CSMD1: variants seen among roughly 807,000 people sequenced by gnomAD.
The protein encoded by CSMD1 is CUB and Sushi multiple domains 1, also known as CUB and sushi domain-containing protein 1.
In CSMD1, 213 loss-of-function variants were observed where a neutral mutation model predicts 417.5. The observed-to-expected ratio is 0.51, with a 90% confidence interval of 0.46 to 0.57. The LOEUF (loss-of-function observed/expected upper bound fraction) is 0.57, where lower values mean the gene tolerates loss of function less well. CSMD1 is among the 20% of genes least tolerant of loss of function. The pLI, the probability that CSMD1 is intolerant of heterozygous loss-of-function variation, is 0.00. For synonymous variants in CSMD1, 2,862 were observed against 1,736.8 expected (o/e 1.65, Z -16.11); for missense variants, 6,923 against 4,529.7 (o/e 1.53, Z -15.17).
chr8:3,265,252 C>CA (rs1170035617), intron 26 of CSMD1, among the ~76,000 whole-genome samples: 1 of 152,138 alleles, frequency 6.6e-6, no homozygotes, highest in African/African-American at 2.4e-5. Flanking sequence ...CAAGGGAAGA[C>CA]AAAATGCTAC....
intron 3 of CSMD1, among the ~76,000 whole-genome samples, chr8:4,214,882 G>C (rs1018581191): frequency 6.6e-6 from 1 of 151,962 alleles, no homozygotes; most frequent in Non-Finnish European, 1.5e-5. Flanking sequence ...TTAAAAAAAT[G>C]TATATTCTTT....
chr8:2,954,576 G>A (rs1802869149), intron 64 of CSMD1, among the ~76,000 whole-genome samples: 1 of 151,994 alleles, frequency 6.6e-6, no homozygotes, highest in South Asian at 2.1e-4. Flanking sequence ...ATCCTGTTTG[G>A]AATACCCTGC....
chr8:4,850,748 C>A (rs1279324203), intron 1 of CSMD1, among the ~76,000 whole-genome samples: 2 of 152,052 alleles, frequency 1.3e-5, no homozygotes, highest in East Asian at 1.9e-4. Flanking sequence ...TGTTCCAGTA[C>A]CTCAATTTTC....
chr8:4,618,202 C>T (rs369452775), intron 2 of CSMD1, among the ~76,000 whole-genome samples: 3 of 152,086 alleles, frequency 2.0e-5, no homozygotes, highest in Admixed American at 2.0e-4. Context: ...CAACAATTTC[C>T]CCCATCTGGA....
intron 6 of CSMD1, among the ~76,000 whole-genome samples, chr8:3,727,068 T>A (rs1229281647): frequency 6.6e-6 from 1 of 152,334 alleles, no homozygotes; most frequent in Non-Finnish European, 1.5e-5. Context: ...TCTCTCTATA[T>A]AAAGATAATG....
Position 4,078,313 on chromosome 8 carries a change from CTTT to C in CSMD1, c.416-46217_416-46215del, listed in dbSNP as rs34359373. The stretch of plus-strand genomic sequence containing the variant: ...CCATAATGATGAGTTTGATATCCAA[CTTT>C]TTTTTTTTTTTTTTTTGAGAGGGAG... On this transcript the variant is annotated intron_variant, in intron 3 of 69. Coordinates refer to ENST00000635120, the MANE Select transcript of CSMD1 (RefSeq NM_033225.6). Among the ~76,000 whole-genome samples, 4 of 131,230 alleles carry C rather than the reference CTTT, an allele frequency of 3.0e-5. No homozygotes were observed. The South Asian group carries it at 7.3e-4, about 24-fold the overall frequency. 86.1% of individuals were successfully genotyped at this position (131,230 alleles called of 152,430 possible).
At chr8:4,456,010 C>G (rs968708206) in intron 2 of CSMD1, among the ~76,000 whole-genome samples, 2 of 127,436 alleles carry the variant, frequency 1.6e-5, no homozygotes, top group Non-Finnish European at 3.2e-5. Flanking sequence ...TTATCTTCTC[C>G]TTAACACAGT....
At chr8:3,254,982 T>C (rs1456271398) in intron 26 of CSMD1, among the ~76,000 whole-genome samples, 1 of 152,176 alleles carries the variant, frequency 6.6e-6, no homozygotes, top group African/African-American at 2.4e-5. Context: ...CTGCTCTGTT[T>C]TTTCCCCATC....
At chr8:3,943,343 G>A (rs1052694567) in intron 5 of CSMD1, among the ~76,000 whole-genome samples, 2 of 147,194 alleles carry the variant, frequency 1.4e-5, no homozygotes, top group Non-Finnish European at 3.0e-5. Flanking sequence ...CTTGTAGTGA[G>A]TGAACTCAAT....
At chr8:4,897,199 A>G (rs116280905) in intron 1 of CSMD1, among the ~76,000 whole-genome samples, 1,612 of 152,252 alleles carry the variant, frequency 0.011, 42 homozygotes, top group African/African-American at 0.038. Flanking sequence ...CAGGGGAGGT[A>G]GAATAAAACT....
intron 1 of CSMD1, among the ~76,000 whole-genome samples, chr8:4,962,221 A>C (rs1479168965): frequency 6.6e-6 from 1 of 150,716 alleles, no homozygotes; most frequent in Non-Finnish European, 1.5e-5. Context: ...AAAAACAAAT[A>C]TTTGTTGGAG....
intron 2 of CSMD1, among the ~76,000 whole-genome samples, chr8:4,603,610 A>G (rs935894002): frequency 1.1e-4 from 16 of 152,170 alleles, no homozygotes; most frequent in Non-Finnish European, 2.4e-4. Flanking sequence ...GTGCGAAAAC[A>G]TGAAAATAAA....
At chr8:3,983,033 G>C (rs1321850840) in intron 5 of CSMD1, among the ~76,000 whole-genome samples, 1 of 152,090 alleles carries the variant, frequency 6.6e-6, no homozygotes, top group Admixed American at 6.6e-5. Flanking sequence ...ATAAATCATG[G>C]GGCCGGGATC....
At chr8:3,920,705 A>C in intron 5 of CSMD1, among the ~76,000 whole-genome samples, 1 of 151,554 alleles carries the variant, frequency 6.6e-6, no homozygotes, top group East Asian at 2.0e-4. Flanking sequence ...AATTTTGTCA[A>C]ATGCTTTTTT....
intron 3 of CSMD1, among the ~76,000 whole-genome samples, chr8:4,295,732 G>C (rs1797640368): frequency 8.7e-6 from 1 of 114,912 alleles, no homozygotes; most frequent in Admixed American, 1.1e-4. Flanking sequence ...ATATCTGTGT[G>C]TGTGTATATG....
chr8:4,811,281 G>A (rs985642747), intron 1 of CSMD1, among the ~76,000 whole-genome samples: 2 of 152,134 alleles, frequency 1.3e-5, no homozygotes, highest in Non-Finnish European at 2.9e-5. Context: ...CTTAAATTAG[G>A]AATGTCAAAC....
chr8:4,596,245 T>G (rs1233244300), intron 2 of CSMD1, among the ~76,000 whole-genome samples: 1 of 152,136 alleles, frequency 6.6e-6, no homozygotes, highest in African/African-American at 2.4e-5. Flanking sequence ...CATAGGACAG[T>G]ATATTAACTA....
At chr8:2,986,034 C>T (rs957155851) in intron 54 of CSMD1, among the ~76,000 whole-genome samples, 1 of 144,108 alleles carries the variant, frequency 6.9e-6, no homozygotes, top group Non-Finnish European at 1.5e-5. Flanking sequence ...AGAAAACCGT[C>T]TCCATAGAAG....
chr8:4,352,386 G>T (rs897424447), intron 3 of CSMD1, among the ~76,000 whole-genome samples: 1 of 152,168 alleles, frequency 6.6e-6, no homozygotes, highest in African/African-American at 2.4e-5. Context: ...AAATATGTCT[G>T]TAGATCCACA....
Sources: allele counts gnomAD v4.1 joint callset (sites outside exome capture counted in the v4.1 genomes callset), GRCh38; gene constraint gnomAD v4.1.1; transcripts MANE v1.5; gene names NCBI Gene and HGNC (gene_info 2026-07-23, HGNC 2026-07-21).